KDM7A: variants seen among roughly 807,000 people sequenced by gnomAD.
KDM7A encodes lysine demethylase 7A, also known as lysine-specific demethylase 7A.
Under a neutral mutation model 114.8 loss-of-function variants are expected in KDM7A, and 28 were observed. That is an observed-to-expected ratio of 0.24 (90% CI 0.18 to 0.33). The LOEUF is 0.33. Among genes scored for constraint, KDM7A ranks in the 10% least tolerant of loss-of-function variants. The probability of loss-of-function intolerance (pLI) is 1.00; values close to 1 mark genes in which losing one functional copy is unlikely to be tolerated. For missense variants in KDM7A, 942 were observed against 1,142.5 expected (o/e 0.82, Z 2.53); for synonymous variants, 423 against 397.8 (o/e 1.06, Z -0.75).
chr7:140,146,875 T>C (rs1794345030), intron 1 of KDM7A, among the ~76,000 whole-genome samples: 1 of 152,176 alleles, frequency 6.6e-6, no homozygotes, highest in Non-Finnish European at 1.5e-5. Flanking sequence ...CAGCCAAACG[T>C]TCTCTTTTTT....
rs113896843 is a variant in KDM7A at position 140,147,126 on chromosome 7, A to G, written c.195-7936T>C. ...AAGTCCTTCAACATTTTACTGATAC[A>G]CATTTCCTACCAAAAGGGTAGGAAA... On this transcript the variant is annotated intron_variant, in intron 1 of 19. Transcript: ENST00000397560. Among the ~76,000 whole-genome samples, 75 of 151,634 alleles carry G rather than the reference A, an allele frequency of 4.9e-4. 1 individual carries two copies. The highest frequency in any genetic ancestry group is 1.8e-3 in the African/African-American group (74 of 41,324).
At chr7:140,096,283 T>C (rs1818107619) in intron 17 of KDM7A, among the ~76,000 whole-genome samples, 1 of 152,238 alleles carries the variant, frequency 6.6e-6, no homozygotes, top group Admixed American at 6.5e-5. Flanking sequence ...TCAACCTGTC[T>C]GTAAAAGGGA....
At chr7:140,114,581 A>G (rs372209363) in intron 9 of KDM7A, among the ~76,000 whole-genome samples, 24 of 151,972 alleles carry the variant, frequency 1.6e-4, no homozygotes, top group African/African-American at 4.8e-4. Flanking sequence ...GCCTCTGCCC[A>G]GCCGCCACCC....
intron 1 of KDM7A, among the ~76,000 whole-genome samples, chr7:140,150,757 A>C (rs1334748610): frequency 1.3e-5 from 2 of 152,186 alleles, no homozygotes; most frequent in African/African-American, 2.4e-5. Flanking sequence ...TTTAAAAAGA[A>C]AAACACATTC....
chr7:140,127,426 AC>A lies in KDM7A; in HGVS notation c.701+15del, dbSNP rs758425960. On this transcript the variant is annotated intron_variant, in intron 5 of 19. Transcript: ENST00000397560. ...AACACTCAGAATGCTAAACCAAAAT[AC>A]CCAGAACTACTCACTTTGTATCTGA... The A allele has an allele frequency of 1.6e-5, 25 of 1,608,344 alleles. No individual in the cohort carries two copies. The Admixed American group carries it at 3.7e-4, about 24-fold the overall frequency.
intron 3 of KDM7A, among the ~76,000 whole-genome samples, chr7:140,130,536 G>A (rs1410793055): frequency 4.6e-5 from 7 of 151,792 alleles, no homozygotes; most frequent in Non-Finnish European, 8.8e-5. Flanking sequence ...CAGGAGAATC[G>A]CTTGAACCTG....
intron 12 of KDM7A, among the ~76,000 whole-genome samples, chr7:140,100,555 A>C (rs1818183147): frequency 6.7e-6 from 1 of 149,468 alleles, no homozygotes; most frequent in East Asian, 1.9e-4. Flanking sequence ...CTTAATAATA[A>C]ATAGAACCTT....
rs1435378807 is a variant in KDM7A at position 140,090,763 on chromosome 7, A to C, written c.*331T>G. On this transcript the variant is annotated 3_prime_UTR_variant, in exon 20 of 20. Coordinates refer to ENST00000397560, the MANE Select transcript of KDM7A (RefSeq NM_030647.2). ...CTTTAAAAAAAAATCTGTTAAATAA[A>C]TTATTGATAATTCTTTACCCTACCA... The C allele has an allele frequency of 3.9e-6, 1 of 255,110 alleles. No individual in the cohort carries two copies. Among genetic ancestry groups the C allele is most frequent in the Non-Finnish European group, 7.4e-6 (1 of 136,010 alleles). 15.8% of individuals were successfully genotyped at this position (255,110 alleles called of 1,614,324 possible).
At chr7:140,095,694 A>G (rs1217464976) in intron 17 of KDM7A, 10 of 255,464 alleles carry the variant, frequency 3.9e-5, no homozygotes, top group Non-Finnish European at 7.3e-5. Flanking sequence ...TCTGGGCAAC[A>G]TAGGTGAGAC....
chr7:140,171,400 C>A (rs1329994692), intron 1 of KDM7A, among the ~76,000 whole-genome samples: 1 of 150,750 alleles, frequency 6.6e-6, no homozygotes, highest in Non-Finnish European at 1.5e-5. Context: ...ACCTGGGAGA[C>A]AGAGGTTGCA....
chr7:140,158,698 A>T (rs1001489109), intron 1 of KDM7A, among the ~76,000 whole-genome samples: 2 of 152,220 alleles, frequency 1.3e-5, no homozygotes, highest in Non-Finnish European at 2.9e-5. Context: ...ACCCAGCCAT[A>T]AAAGATCAGG....
intron 2 of KDM7A, among the ~76,000 whole-genome samples, chr7:140,135,928 A>G (rs968719722): frequency 1.3e-5 from 2 of 149,112 alleles, no homozygotes; most frequent in Non-Finnish European, 3.0e-5. Context: ...AAGGCAGCCC[A>G]TTTGATAGGT....
At chr7:140,148,220 G>GA (rs35363572) in intron 1 of KDM7A, among the ~76,000 whole-genome samples, 11,217 of 118,258 alleles carry the variant, frequency 0.095, 475 homozygotes, top group Middle Eastern at 0.13. Context: ...TATGCTTCAA[G>GA]AAAAAAAAAA....
chr7:140,094,235 T>C (rs1585136047), intron 17 of KDM7A, 97 bp from the exon 18 acceptor site: 1 of 800,206 alleles, frequency 1.2e-6, no homozygotes, highest in Non-Finnish European at 2.2e-6. Flanking sequence ...TTGGGCGTGA[T>C]GGCTCACGCC....
At chr7:140,150,812 C>CCAATAAT (rs1457635393) in intron 1 of KDM7A, among the ~76,000 whole-genome samples, 1 of 151,518 alleles carries the variant, frequency 6.6e-6, no homozygotes. Flanking sequence ...TGAGTGTGGC[C>CCAATAAT]CAATAATCTC....
chr7:140,120,388 AG>A (rs1818599479), intron 8 of KDM7A, 53 bp downstream of exon 8: 2 of 1,015,096 alleles, frequency 2.0e-6, no homozygotes, highest in Non-Finnish European at 3.1e-6. Context: ...TAAAAAAAAA[AG>A]TATCCTATTT....
At chr7:140,136,538 T>C (rs1323696785) in intron 2 of KDM7A, among the ~76,000 whole-genome samples, 1 of 152,224 alleles carries the variant, frequency 6.6e-6, no homozygotes, top group Non-Finnish European at 1.5e-5. Flanking sequence ...AGAGAATACA[T>C]ATTTAAGTTA....
At chr7:140,132,477 G>T (rs1818803967) in intron 3 of KDM7A, among the ~76,000 whole-genome samples, 2 of 152,236 alleles carry the variant, frequency 1.3e-5, no homozygotes, top group South Asian at 4.1e-4. Flanking sequence ...CCATTTTAGG[G>T]AGCTCACAAA....
At chr7:140,150,738 T>C (rs1016476794) in intron 1 of KDM7A, among the ~76,000 whole-genome samples, 2 of 152,244 alleles carry the variant, frequency 1.3e-5, no homozygotes, top group East Asian at 1.9e-4. Flanking sequence ...GCAGTGTACA[T>C]TGTTTATTTT....
Sources: allele counts gnomAD v4.1 joint callset (sites outside exome capture counted in the v4.1 genomes callset), GRCh38; gene constraint gnomAD v4.1.1; transcripts MANE v1.5; gene names NCBI Gene and HGNC (gene_info 2026-07-23, HGNC 2026-07-21).